The following CDK6 variants were observed in gnomAD, a reference collection of about 807,000 sequenced individuals.
CDK6 encodes cyclin dependent kinase 6, also known as cyclin-dependent kinase 6.
In CDK6, 6 loss-of-function variants were observed where a neutral mutation model predicts 37.1. The ratio of observed to expected loss-of-function variants is 0.16; its 90% CI spans 0.09 to 0.32. The LOEUF (loss-of-function observed/expected upper bound fraction) is 0.32. Among genes scored for constraint, CDK6 ranks in the 10% least tolerant of loss-of-function variants. The pLI, the probability that CDK6 is intolerant of heterozygous loss-of-function variation, is 1.00. For synonymous variants in CDK6, 160 were observed against 161.3 expected (o/e 0.99, Z 0.06); for missense variants, 224 against 418.9 (o/e 0.53, Z 4.06).
At chr7:92,818,390 T>A (rs1323742275) in intron 2 of CDK6, among the ~76,000 whole-genome samples, 1 of 151,942 alleles carries the variant, frequency 6.6e-6, no homozygotes, top group Non-Finnish European at 1.5e-5. Context: ...TAGCTGGATA[T>A]CCATACAGGA....
At chr7:92,783,336 C>T (rs1381942765) in intron 2 of CDK6, among the ~76,000 whole-genome samples, 1 of 152,114 alleles carries the variant, frequency 6.6e-6, no homozygotes, top group Non-Finnish European at 1.5e-5. Flanking sequence ...ATTAAACAAC[C>T]CCTTTCCCAC....
intron 2 of CDK6, among the ~76,000 whole-genome samples, chr7:92,813,630 G>A (rs1432815304): frequency 1.1e-4 from 16 of 152,210 alleles, no homozygotes; most frequent in Admixed American, 9.8e-4. Flanking sequence ...TAGCTGCAGA[G>A]ATGGAGAAAC....
At chr7:92,765,985 G>A in intron 3 of CDK6, among the ~76,000 whole-genome samples, 1 of 152,088 alleles carries the variant, frequency 6.6e-6, no homozygotes, top group East Asian at 1.9e-4. Flanking sequence ...CAAGCTGGAG[G>A]AACAGAAAGA....
At chr7:92,733,083 ATTAAC>A (rs908353605) in intron 3 of CDK6, among the ~76,000 whole-genome samples, 3 of 152,214 alleles carry the variant, frequency 2.0e-5, no homozygotes, top group African/African-American at 7.2e-5. Flanking sequence ...TTAAAATTAT[ATTAAC>A]TTAAATATGT....
intron 4 of CDK6, among the ~76,000 whole-genome samples, chr7:92,711,971 G>A (rs1439272535): frequency 1.3e-5 from 2 of 151,942 alleles, no homozygotes; most frequent in African/African-American, 2.4e-5. Flanking sequence ...GGCAGATCAC[G>A]AGGTCAGGAG....
rs545057708 is a variant in CDK6 at position 92,611,550 on chromosome 7, T to C, written c.*3590A>G. On this transcript the variant is annotated 3_prime_UTR_variant, in exon 8 of 8. Coordinates refer to ENST00000424848, the MANE Select transcript of CDK6 (RefSeq NM_001145306.2). ...ACAATGGAACAATAATGGCCATTAC[T>C]GACTTTAATAGGCACCACTTGTAAA... 2 of 228,078 alleles carry C rather than the reference T, an allele frequency of 8.8e-6. No homozygotes were observed. Among genetic ancestry groups the C allele is most frequent in the African/African-American group, 2.2e-5 (1 of 45,190 alleles). The allele number at this position is 228,078 out of a possible 1,614,324, so 14.1% of individuals were successfully genotyped here.
chr7:92,757,866 A>G (rs1226236125), intron 3 of CDK6, among the ~76,000 whole-genome samples: 1 of 152,188 alleles, frequency 6.6e-6, no homozygotes, highest in Non-Finnish European at 1.5e-5. Context: ...GTGAGATGGT[A>G]ACTCATTGTG....
chr7:92,707,710 TCA>T (rs1797998761), intron 4 of CDK6, among the ~76,000 whole-genome samples: 1 of 152,216 alleles, frequency 6.6e-6, no homozygotes, highest in South Asian at 2.1e-4. Flanking sequence ...ACACACACAC[TCA>T]CAGTCTCTTT....
intron 4 of CDK6, chr7:92,725,384 G>C (rs1308124517): frequency 8.7e-6 from 8 of 917,634 alleles, no homozygotes; most frequent in African/African-American, 1.8e-5. Flanking sequence ...CCTGTCCAGT[G>C]GCTAAGATGC....
At position 92,615,243 on chromosome 7, in the gene CDK6, C is replaced by T. The variant is rs1355195794; in HGVS notation, c.878G>A (p.Ser293Asn). Residue 293 changes from serine (S) to asparagine (N), a missense_variant, in exon 8 of 8, where the codon AGT (serine) becomes AAT (asparagine). Physicochemically the swap from Ser to Asn is conservative, Grantham distance 46 (BLOSUM62 1). This residue lies in a region of CDK6 where 90 missense variants were observed against 136.2 expected (regional missense o/e 0.66). Coordinates refer to ENST00000424848, the MANE Select transcript of CDK6 (RefSeq NM_001145306.2). ...FNPAKRISAY[S>N]ALSHPYFQDL... ...CTGGAAGTATGGGTGAGACAGGGCA[C>T]TGTAGGCAGATATTCTTTTGGCTGG... 6.2e-7 allele frequency: 1 copy of T among 1,614,084 alleles called. No individual in the cohort carries two copies. Among genetic ancestry groups the T allele is most frequent in the South Asian group, 1.1e-5 (1 of 91,076 alleles).
intron 4 of CDK6, among the ~76,000 whole-genome samples, chr7:92,693,017 G>A (rs190570226): frequency 6.6e-6 from 1 of 151,916 alleles, no homozygotes; most frequent in Non-Finnish European, 1.5e-5. Context: ...TGCTCTTCAC[G>A]GGGTACTTCT....
chr7:92,698,335 C>A (rs1797767233), intron 4 of CDK6, among the ~76,000 whole-genome samples: 2 of 152,190 alleles, frequency 1.3e-5, no homozygotes, highest in South Asian at 4.1e-4. Context: ...TACAGGGGGG[C>A]CTCTCTTAGC....
At chr7:92,725,854 T>G (rs1798499558) in intron 3 of CDK6, 61 bp from the exon 4 acceptor site, 1 of 1,483,274 alleles carries the variant, frequency 6.7e-7, no homozygotes. Context: ...GCATTTGCTA[T>G]GCTGGACGCC....
At chr7:92,780,678 G>A (rs747561428) in intron 2 of CDK6, among the ~76,000 whole-genome samples, 16 of 150,278 alleles carry the variant, frequency 1.1e-4, no homozygotes, top group Non-Finnish European at 2.1e-4. Flanking sequence ...GGAGAATGGC[G>A]TGAACCTGAG....
At chr7:92,747,904 G>A (rs1468318658) in intron 3 of CDK6, among the ~76,000 whole-genome samples, 2 of 152,074 alleles carry the variant, frequency 1.3e-5, no homozygotes, top group Non-Finnish European at 2.9e-5. Context: ...TATAAAGCAG[G>A]CCAATAAAAG....
At chr7:92,680,264 C>A (rs978055940) in intron 4 of CDK6, among the ~76,000 whole-genome samples, 2 of 150,164 alleles carry the variant, frequency 1.3e-5, no homozygotes, top group African/African-American at 4.9e-5. Flanking sequence ...GAAACCCCGT[C>A]TCTACTAAAA....
intron 5 of CDK6, among the ~76,000 whole-genome samples, chr7:92,649,205 A>G (rs1272438263): frequency 1.3e-5 from 2 of 152,246 alleles, no homozygotes; most frequent in African/African-American, 4.8e-5. Flanking sequence ...TTGACCGATC[A>G]TTTCACAGCA....
At chr7:92,709,420 C>T (rs1330937160) in intron 4 of CDK6, among the ~76,000 whole-genome samples, 1 of 151,992 alleles carries the variant, frequency 6.6e-6, no homozygotes, top group East Asian at 1.9e-4. Context: ...AAAATTAGCT[C>T]CCCTGAGAAG....
At chr7:92,697,558 C>T (rs937651527) in intron 4 of CDK6, among the ~76,000 whole-genome samples, 1 of 152,166 alleles carries the variant, frequency 6.6e-6, no homozygotes, top group Non-Finnish European at 1.5e-5. Flanking sequence ...ACAATCCAAA[C>T]CCAGGTCTAA....
Sources: gnomAD v4.1 joint callset for allele counts (sites outside exome capture counted in the v4.1 genomes callset) on GRCh38, gnomAD v4.1.1 for gene constraint, gnomAD v4.1.1 regional missense constraint, MANE v1.5 for transcripts, NCBI Gene and HGNC (gene_info 2026-07-23, HGNC 2026-07-21) for gene names.